SLK: variants seen among roughly 807,000 people sequenced by gnomAD.
SLK encodes the protein STE20-like serine/threonine-protein kinase.
SLK carries 67 observed loss-of-function variants against 147.7 expected under a neutral mutation model. The ratio of observed to expected loss-of-function variants is 0.45; its 90% CI spans 0.37 to 0.56. The LOEUF (loss-of-function observed/expected upper bound fraction) is 0.56. Ranked by LOEUF, SLK falls within the 20% of genes least tolerant of loss-of-function variation. The pLI is 0.00. For missense variants in SLK, 1,136 were observed against 1,438.8 expected, an observed-to-expected ratio of 0.79 and a Z score of 3.41; for synonymous variants, 441 against 475.0, an observed-to-expected ratio of 0.93 and a Z score of 0.93.
At chr10:103,981,671 T>G (rs1465140579) in intron 1 of SLK, among the ~76,000 whole-genome samples, 1 of 151,918 alleles carries the variant, frequency 6.6e-6, no homozygotes, top group African/African-American at 2.4e-5. Flanking sequence ...ATGCCAGTTT[T>G]TTTTTTTCTG....
At chr10:103,968,208 G>C (rs917508172) in intron 1 of SLK, among the ~76,000 whole-genome samples, 1 of 152,214 alleles carries the variant, frequency 6.6e-6, no homozygotes, top group African/African-American at 2.4e-5. Flanking sequence ...TGCCCTTCAA[G>C]TATTTTAGAA....
chr10:103,975,622 G>T (rs1265987304), intron 1 of SLK, among the ~76,000 whole-genome samples: 2 of 152,020 alleles, frequency 1.3e-5, no homozygotes, highest in African/African-American at 4.8e-5. Flanking sequence ...ATTCCTTTGT[G>T]TTGGGCTTCT....
At chr10:104,000,679 G>A (rs1844234059) in intron 7 of SLK, among the ~76,000 whole-genome samples, 1 of 152,172 alleles carries the variant, frequency 6.6e-6, no homozygotes, top group Admixed American at 6.5e-5. Context: ...AAATACAGGT[G>A]TTTATAGATA....
chr10:104,005,869 A>T, intron 10 of SLK, 43 bp from the exon 11 acceptor site: 1 of 1,567,092 alleles, frequency 6.4e-7, no homozygotes, highest in Non-Finnish European at 8.6e-7. Context: ...TCAGAAGTGT[A>T]ATTTTTGCTG....
chr10:104,011,593 G>A (rs1322714511), intron 13 of SLK, among the ~76,000 whole-genome samples: 2 of 149,932 alleles, frequency 1.3e-5, no homozygotes, highest in African/African-American at 4.9e-5. Flanking sequence ...TTGGAGTCTC[G>A]CTCTGTCTCC....
chr10:103,988,802 T>A (rs1308216097), intron 1 of SLK, among the ~76,000 whole-genome samples: 5 of 152,172 alleles, frequency 3.3e-5, no homozygotes, highest in African/African-American at 4.8e-5. Context: ...TTTTTTTTTT[T>A]ACTTGGCAGA....
chr10:103,999,841 G>T, intron 6 of SLK, 26 bp from the exon 7 acceptor site: 1 of 945,328 alleles, frequency 1.1e-6, no homozygotes, highest in South Asian at 1.5e-5. Context: ...AAGTAAAATA[G>T]AATGTTGTTA....
At chr10:103,994,291 G>T (rs1485665566) in intron 4 of SLK, among the ~76,000 whole-genome samples, 1 of 152,144 alleles carries the variant, frequency 6.6e-6, no homozygotes, top group African/African-American at 2.4e-5. Context: ...GTAGAACTTT[G>T]ACAGGCATCC....
intron 1 of SLK, among the ~76,000 whole-genome samples, chr10:103,974,277 T>A (rs1843830721): frequency 1.3e-5 from 2 of 152,038 alleles, no homozygotes. Context: ...TTACTTGACC[T>A]GTCATTACCA....
At chr10:104,005,540 C>A (rs1332290951) in intron 9 of SLK, 21 bp from the exon 10 acceptor site, 1 of 1,590,958 alleles carries the variant, frequency 6.3e-7, no homozygotes, top group African/African-American at 1.4e-5. Context: ...CAAAGCCTAA[C>A]TAAAATAAAA....
Position 103,990,859 on chromosome 10 carries a change from C to A in SLK, c.315+20C>A. 3.5e-6 allele frequency: 5 copies of A among 1,442,528 alleles called. No individual in the cohort carries two copies. Among genetic ancestry groups the A allele is most frequent in the Non-Finnish European group, 4.6e-6 (5 of 1,094,620 alleles). 89.4% of individuals were successfully genotyped at this position (1,442,528 alleles called of 1,614,324 possible). On this transcript the variant is annotated intron_variant, in intron 2 of 18. Transcript: ENST00000369755. ...CTTTGGGTAAGTATTTTCTGTTGAT[C>A]TAAAGGAGTAGCCAAAATGAGTTAA...
At chr10:104,015,494 T>A (rs1844451292) in intron 13 of SLK, among the ~76,000 whole-genome samples, 1 of 152,202 alleles carries the variant, frequency 6.6e-6, no homozygotes. Context: ...TTTGAACTTT[T>A]AAAAATGTGA....
At chr10:103,992,934 T>C in intron 3 of SLK, 50 bp from the exon 4 acceptor site, 1 of 1,381,156 alleles carries the variant, frequency 7.2e-7, no homozygotes, top group Non-Finnish European at 1.0e-6. Flanking sequence ...CCTGCTAATA[T>C]GTTTTCACTG....
intron 1 of SLK, among the ~76,000 whole-genome samples, chr10:103,976,835 A>G (rs1843878018): frequency 1.3e-5 from 2 of 152,170 alleles, no homozygotes; most frequent in African/African-American, 4.8e-5. Flanking sequence ...AGAATTTTTT[A>G]ATAAGTGGAA....
In SLK at chr10:103,999,139, T is replaced by A. The variant is rs763240798; in HGVS notation, c.608T>A (p.Met203Lys). 1.2e-6 allele frequency: 2 copies of A among 1,609,078 alleles called. No homozygotes were observed. The highest frequency in any genetic ancestry group is 2.2e-5 in the South Asian group (2 of 89,886). ...CATAGGATGGCTCCTGAAGTAGTCATGTGTGAAACATCTAAGGACAGACCC... is the reference window on the plus strand; with the variant it reads ...CATAGGATGGCTCCTGAAGTAGTCAAGTGTGAAACATCTAAGGACAGACCC... ...TPYWMAPEVV[M>K]CETSKDRPYD... The change falls in exon 6 of 19, where the codon ATG becomes AAG. Residue 203 changes from methionine (M) to lysine (K), a missense_variant. Physicochemically the swap from Met to Lys is moderately conservative, Grantham distance 95. Around this residue, in one of 6 missense-constraint regions of SLK, gnomAD observed 141 missense variants for 219.3 expected, o/e 0.64. Coordinates refer to ENST00000369755, the MANE Select transcript of SLK (RefSeq NM_014720.4).
chr10:103,990,518 G>A (rs1476432259), intron 1 of SLK, among the ~76,000 whole-genome samples, 157 bp from the exon 2 acceptor site: 1 of 152,076 alleles, frequency 6.6e-6, no homozygotes, highest in South Asian at 2.1e-4. Flanking sequence ...CTCAGTCTGT[G>A]GCTTGTCTTC....
rs946123249 is a variant in SLK at position 104,029,024 on chromosome 10, C to T, written c.*3304C>T. 2.0e-5 allele frequency: 3 copies of T among 152,194 alleles called. No homozygotes were observed. Among genetic ancestry groups the T allele is most frequent in the Non-Finnish European group, 4.4e-5 (3 of 68,058 alleles). The allele number at this position is 152,194 out of a possible 1,614,324, so 9.4% of individuals were successfully genotyped here. The stretch of plus-strand genomic sequence containing the variant: ...TGTTTTTGATAAAGCTTTAACATTC[C>T]TGCTACTAATTTTGGCGGAGAGTGT... On this transcript the variant is annotated 3_prime_UTR_variant, in exon 19 of 19. Coordinates refer to ENST00000369755, the MANE Select transcript of SLK (RefSeq NM_014720.4).
intron 1 of SLK, among the ~76,000 whole-genome samples, chr10:103,976,436 T>G (rs1262958936): frequency 6.6e-6 from 1 of 152,236 alleles, no homozygotes; most frequent in African/African-American, 2.4e-5. Flanking sequence ...ATTAATATTA[T>G]CTTTAATGTT....
intron 9 of SLK, among the ~76,000 whole-genome samples, chr10:104,004,960 T>C (rs1414649492): frequency 6.6e-6 from 1 of 152,184 alleles, no homozygotes; most frequent in Non-Finnish European, 1.5e-5. Context: ...CCTAAAATCA[T>C]ACATATATCT....
Sources: gnomAD v4.1 joint callset for allele counts (sites outside exome capture counted in the v4.1 genomes callset) on GRCh38, gnomAD v4.1.1 for gene constraint, gnomAD v4.1.1 regional missense constraint, MANE v1.5 for transcripts, NCBI Gene and HGNC (gene_info 2026-07-23, HGNC 2026-07-21) for gene names.